ZNF723: variants seen among roughly 807,000 people sequenced by gnomAD.
ZNF723 encodes the protein zinc finger protein 723, also known as zinc finger protein 723, pseudogene.
ZNF723 carries 5 observed loss-of-function variants against 9.4 expected under a neutral mutation model. The ratio of observed to expected loss-of-function variants is 0.53; its 90% CI spans 0.28 to 1.12. The LOEUF is 1.12. Ranked by LOEUF, ZNF723 falls within the 50% of genes most tolerant of loss-of-function variation. The pLI is 0.10. For synonymous variants in ZNF723, 158 were observed against 168.8 expected (o/e 0.94, Z 0.49); for missense variants, 450 against 501.5 (o/e 0.90, Z 0.98).
At chr19:22,837,820 CCAAAATCCCA>C (rs1382868841) in intron 1 of ZNF723, among the ~76,000 whole-genome samples, 1 of 152,060 alleles carries the variant, frequency 6.6e-6, no homozygotes, top group Non-Finnish European at 1.5e-5. Context: ...GTGTTTTTTG[CCAAAATCCCA>C]CAAAATTGTC....
At chr19:22,824,821 TAACTTCTGAACCC>T in the ZNF723 span, among the ~76,000 whole-genome samples, 1 of 152,140 alleles carries the variant, frequency 6.6e-6, no homozygotes. Flanking sequence ...GGATGGTAAT[TAACTTCTGAACCC>T]AACTGACAGG....
At chr19:22,846,994 G>A (rs1263225433) in intron 1 of ZNF723, among the ~76,000 whole-genome samples, 1 of 147,308 alleles carries the variant, frequency 6.8e-6, no homozygotes. Context: ...TCCTACTGCT[G>A]TTGATGTTTA....
At chr19:22,829,410 G>T (rs1199050882), upstream of ZNF723, among the ~76,000 whole-genome samples, 2 of 151,364 alleles carry the variant, frequency 1.3e-5, no homozygotes, top group Admixed American at 6.6e-5. Context: ...CTCAGCTTCT[G>T]GCGTAGCTGG....
At chr19:22,844,752 T>C (rs1967286682) in intron 1 of ZNF723, among the ~76,000 whole-genome samples, 2 of 152,188 alleles carry the variant, frequency 1.3e-5, no homozygotes, top group African/African-American at 4.8e-5. Flanking sequence ...AGGGACTCTG[T>C]GCTGTGCCTG....
chr19:22,824,848 A>G, the ZNF723 span, among the ~76,000 whole-genome samples: 2 of 152,206 alleles, frequency 1.3e-5, no homozygotes, highest in African/African-American at 4.8e-5. Flanking sequence ...TGACAGGTGT[A>G]ATGATGACTC....
intron 3 of ZNF723, among the ~76,000 whole-genome samples, chr19:22,855,892 G>A (rs996772632): frequency 1.3e-5 from 2 of 152,024 alleles, no homozygotes; most frequent in Non-Finnish European, 2.9e-5. Context: ...GTATCTTTGT[G>A]TGTTTCCTAG....
intron 1 of ZNF723, among the ~76,000 whole-genome samples, chr19:22,833,598 T>C (rs1470181545): frequency 1.3e-5 from 2 of 152,012 alleles, no homozygotes; most frequent in African/African-American, 4.8e-5. Flanking sequence ...TCCTCCGTAA[T>C]AAAGATTATT....
chr19:22,820,979 T>G, the ZNF723 span, among the ~76,000 whole-genome samples: 3 of 152,308 alleles, frequency 2.0e-5, no homozygotes, highest in South Asian at 4.1e-4. Flanking sequence ...ATTGTGACTC[T>G]CATACATGGA....
intron 3 of ZNF723, among the ~76,000 whole-genome samples, chr19:22,855,127 T>C (rs114606043): frequency 0.015 from 2,316 of 152,240 alleles, 54 homozygotes; most frequent in African/African-American, 0.052. Flanking sequence ...TAATTACAAA[T>C]GTTTTCTGCA....
chr19:22,845,116 C>T (rs112700981), intron 1 of ZNF723, among the ~76,000 whole-genome samples: 2 of 152,072 alleles, frequency 1.3e-5, no homozygotes, highest in African/African-American at 2.4e-5. Flanking sequence ...GAGACTCTGT[C>T]TCAAAAACAA....
chr19:22,831,639 G>A (rs899988035), upstream of ZNF723, among the ~76,000 whole-genome samples: 4 of 149,990 alleles, frequency 2.7e-5, no homozygotes. Context: ...GGCCGGGCGC[G>A]ATGGCTCACG....
intron 1 of ZNF723, among the ~76,000 whole-genome samples, chr19:22,833,154 C>CT (rs1015454522): frequency 2.0e-5 from 3 of 151,560 alleles, no homozygotes; most frequent in Non-Finnish European, 4.4e-5. Flanking sequence ...TAACTATTTT[C>CT]TTTTTTTTCT....
Position 22,858,105 on chromosome 19 carries a change from C to T in ZNF723, c.1214C>T (p.Ala405Val), listed in dbSNP as rs1232239653. ...TACAAATGTGAAGAATGTGGCAAAG[C>T]CTTTAACCAATCCTCAGCCCTTACT... ...KPYKCEECGK[A>V]FNQSSALTTH... Residue 405 changes from alanine to valine, a missense_variant, in exon 4 of 4, where the codon GCC (alanine) becomes GTC (valine). By Grantham distance (64) the Ala-to-Val change is moderately conservative. Coordinates refer to ENST00000600766, the MANE Select transcript of ZNF723 (RefSeq NM_001349726.2). 14 of 1,482,886 alleles carry T rather than the reference C, an allele frequency of 9.4e-6. No individual in the cohort carries two copies. The Admixed American group carries it at 1.7e-4, about 18-fold the overall frequency. The allele number at this position is 1,482,886 out of a possible 1,614,324, so 91.9% of individuals were successfully genotyped here.
At chr19:22,814,081 G>C in the ZNF723 span, among the ~76,000 whole-genome samples, 1 of 151,994 alleles carries the variant, frequency 6.6e-6, no homozygotes, top group African/African-American at 2.4e-5. Context: ...CAAAGTGCTG[G>C]GATTATAGGT....
chr19:22,812,597 AAGC>A, the ZNF723 span, among the ~76,000 whole-genome samples: 1 of 152,140 alleles, frequency 6.6e-6, no homozygotes, highest in African/African-American at 2.4e-5. Context: ...ATACTGCAGA[AAGC>A]TCTCGGGTGG....
intron 1 of ZNF723, among the ~76,000 whole-genome samples, chr19:22,833,402 C>T (rs998891672): frequency 3.3e-5 from 5 of 152,036 alleles, no homozygotes; most frequent in African/African-American, 7.2e-5. Context: ...CCGCCCGCCT[C>T]GGCCTCCCAA....
intron 1 of ZNF723, among the ~76,000 whole-genome samples, chr19:22,836,952 A>C (rs532126845): frequency 6.6e-6 from 1 of 152,198 alleles, no homozygotes; most frequent in African/African-American, 2.4e-5. Context: ...CAAGTTATTG[A>C]ACTTGAGGGA....
chr19:22,840,812 A>G (rs12983770), intron 1 of ZNF723: 33,990 of 151,866 alleles, frequency 0.22, 4,767 homozygotes, highest in African/African-American at 0.4. Context: ...TACTTTTTTC[A>G]TGTCACCATT....
At chr19:22,825,758 C>T in the ZNF723 span, among the ~76,000 whole-genome samples, 2 of 152,228 alleles carry the variant, frequency 1.3e-5, no homozygotes, top group African/African-American at 4.8e-5. Context: ...AATATCCTCT[C>T]CTGTTTGGCT....
Sources: gnomAD v4.1 joint callset for allele counts (sites outside exome capture counted in the v4.1 genomes callset) on GRCh38, gnomAD v4.1.1 for gene constraint, MANE v1.5 for transcripts, NCBI Gene and HGNC (gene_info 2026-07-23, HGNC 2026-07-21) for gene names.